CNTN5: variants seen among roughly 807,000 people sequenced by gnomAD.
CNTN5 encodes the protein contactin-5.
Under a neutral mutation model 129.1 loss-of-function variants are expected in CNTN5, and 77 were observed. The ratio of observed to expected loss-of-function variants is 0.60; its 90% confidence interval spans 0.50 to 0.72. The LOEUF is 0.72. CNTN5 is among the 30% of genes least tolerant of loss of function. The pLI, the probability that CNTN5 is intolerant of heterozygous loss-of-function variation, is 0.00. For synonymous variants in CNTN5, 509 were observed against 465.6 expected, an observed-to-expected ratio of 1.09 and a Z score of -1.20; for missense variants, 1,478 against 1,328.8, an observed-to-expected ratio of 1.11 and a Z score of -1.75.
chr11:99,974,488 T>C (rs1937801592), intron 8 of CNTN5, among the ~76,000 whole-genome samples: 1 of 152,172 alleles, frequency 6.6e-6, no homozygotes, highest in South Asian at 2.1e-4. Flanking sequence ...AAGGGTGTGG[T>C]TAGAGATGAT....
chr11:100,146,362 A>G (rs886121677), intron 13 of CNTN5, among the ~76,000 whole-genome samples: 1 of 152,182 alleles, frequency 6.6e-6, no homozygotes, highest in African/African-American at 2.4e-5. Context: ...ATTATAATGA[A>G]TTGCCATTAC....
chr11:99,790,563 AG>A (rs1565535813), intron 3 of CNTN5, among the ~76,000 whole-genome samples: 1 of 152,112 alleles, frequency 6.6e-6, no homozygotes, highest in South Asian at 2.1e-4. Context: ...TTCTTTACCC[AG>A]TCTACCATTC....
chr11:99,203,132 T>C (rs747920348), intron 1 of CNTN5, among the ~76,000 whole-genome samples: 36 of 152,288 alleles, frequency 2.4e-4, no homozygotes, highest in Admixed American at 1.1e-3. Context: ...TTTACCTCTT[T>C]TAAATATTCA....
At chr11:99,806,760 T>C (rs1946283410) in intron 3 of CNTN5, among the ~76,000 whole-genome samples, 3 of 151,322 alleles carry the variant, frequency 2.0e-5, no homozygotes, top group Admixed American at 2.0e-4. Flanking sequence ...TGAGCCAAGA[T>C]TGTGCTACTG....
intron 3 of CNTN5, among the ~76,000 whole-genome samples, chr11:99,578,569 C>G (rs1048705025): frequency 7.3e-5 from 11 of 150,544 alleles, no homozygotes; most frequent in African/African-American, 2.2e-4. Context: ...TTGCATTTCT[C>G]TGATGGCCAG....
At chr11:100,249,544 T>G (rs758685536) in intron 16 of CNTN5, among the ~76,000 whole-genome samples, 5 of 152,226 alleles carry the variant, frequency 3.3e-5, no homozygotes, top group Non-Finnish European at 7.3e-5. Flanking sequence ...GTTGTCAGAT[T>G]ACTGGCCATT....
Position 100,071,875 on chromosome 11 carries a change from TG to T in CNTN5, c.1429+42del, listed in dbSNP as rs1196351274. 14 of 1,519,352 alleles carry T rather than the reference TG, an allele frequency of 9.2e-6. No individual in the cohort carries two copies. In the South Asian group the frequency reaches 1.7e-4, roughly 18 times the overall value. 94.1% of individuals were successfully genotyped at this position (1,519,352 alleles called of 1,614,324 possible). A position where few individuals can be genotyped will look rare whatever the true frequency, so the allele number is the denominator to read the frequency against. On this transcript the variant is annotated intron_variant, in intron 12 of 24. Transcript: ENST00000524871. ...GTGAATAAATTGAAAAAAAAAACCT[TG>T]CTTCTTTTCATGCTCTAATTTTTAC...
chr11:99,132,493 A>G (rs968939557), intron 1 of CNTN5, among the ~76,000 whole-genome samples: 3 of 152,172 alleles, frequency 2.0e-5, no homozygotes, highest in Admixed American at 6.5e-5. Context: ...ATGATCCTAT[A>G]TCTAGAAAAC....
chr11:99,455,489 A>G (rs959621505), intron 2 of CNTN5, among the ~76,000 whole-genome samples: 3 of 152,170 alleles, frequency 2.0e-5, no homozygotes, highest in Non-Finnish European at 4.4e-5. Context: ...GAAGGAATAA[A>G]CAAGTATGCC....
At chr11:99,412,007 T>C (rs760882777) in intron 2 of CNTN5, among the ~76,000 whole-genome samples, 1 of 152,180 alleles carries the variant, frequency 6.6e-6, no homozygotes, top group African/African-American at 2.4e-5. Flanking sequence ...TTTGACAAAC[T>C]AAGAAGCATA....
At chr11:99,817,532 G>C (rs1946627763) in intron 3 of CNTN5, among the ~76,000 whole-genome samples, 1 of 148,298 alleles carries the variant, frequency 6.7e-6, no homozygotes, top group South Asian at 2.2e-4. Context: ...ATTCTTATCT[G>C]GCTTTAAGAA....
intron 15 of CNTN5, among the ~76,000 whole-genome samples, chr11:100,195,124 G>T (rs1008028720): frequency 4.0e-5 from 6 of 151,718 alleles, no homozygotes; most frequent in African/African-American, 1.5e-4. Flanking sequence ...TTTATAACAT[G>T]GATGTTGTAA....
chr11:99,052,319 A>G (rs1864460376), intron 1 of CNTN5, among the ~76,000 whole-genome samples: 1 of 151,910 alleles, frequency 6.6e-6, no homozygotes, highest in Admixed American at 6.6e-5. Context: ...GTAACATTTC[A>G]GCCAATGACA....
intron 1 of CNTN5, among the ~76,000 whole-genome samples, chr11:99,315,052 AAAGTAATT>A (rs144319759): frequency 0.036 from 5,369 of 149,068 alleles, 481 homozygotes; most frequent in Middle Eastern, 0.074. Context: ...AGTAGCAATT[AAAGTAATT>A]AAGTAATTAA....
chr11:99,283,800 G>A (rs1407712671), intron 1 of CNTN5, among the ~76,000 whole-genome samples: 19 of 152,088 alleles, frequency 1.2e-4, no homozygotes, highest in Admixed American at 1.2e-3. Flanking sequence ...AGATTCAACT[G>A]TATTGGAATG....
At chr11:99,075,878 G>A (rs1865545795) in intron 1 of CNTN5, among the ~76,000 whole-genome samples, 1 of 152,168 alleles carries the variant, frequency 6.6e-6, no homozygotes, top group Non-Finnish European at 1.5e-5. Context: ...CAGTGAAAAA[G>A]ATACAATTAT....
intron 9 of CNTN5, among the ~76,000 whole-genome samples, chr11:100,039,078 A>G (rs1942217205): frequency 6.6e-6 from 1 of 152,150 alleles, no homozygotes; most frequent in Non-Finnish European, 1.5e-5. Context: ...GGTCTTTACA[A>G]CTTGGCATGT....
intron 4 of CNTN5, among the ~76,000 whole-genome samples, chr11:99,838,308 T>A (rs1947369354): frequency 6.6e-6 from 1 of 152,194 alleles, no homozygotes; most frequent in South Asian, 2.1e-4. Context: ...GGCCCTATGA[T>A]AGCATAAAAA....
At chr11:100,310,008 A>T (rs138871119) in intron 21 of CNTN5, among the ~76,000 whole-genome samples, 4 of 151,924 alleles carry the variant, frequency 2.6e-5, no homozygotes, top group Non-Finnish European at 2.9e-5. Context: ...TGCTGCGTGC[A>T]TCAGGCCAAA....
Sources: allele counts gnomAD v4.1 joint callset (sites outside exome capture counted in the v4.1 genomes callset), GRCh38; gene constraint gnomAD v4.1.1; transcripts MANE v1.5; gene names NCBI Gene and HGNC (gene_info 2026-07-23, HGNC 2026-07-21).